The following MBD5 variants were observed in gnomAD, a reference collection of about 807,000 sequenced individuals.
The protein encoded by MBD5 is methyl-CpG-binding domain protein 5.
Under a neutral mutation model 117.3 loss-of-function variants are expected in MBD5, and 13 were observed. The observed-to-expected ratio is 0.11, with a 90% CI of 0.07 to 0.18. MBD5 has a LOEUF of 0.18. Ranked by LOEUF, MBD5 falls within the 10% of genes least tolerant of loss-of-function variation. The pLI, the probability that MBD5 is intolerant of heterozygous loss-of-function variation, is 1.00. For missense variants in MBD5, 1,879 were observed against 2,093.8 expected, an observed-to-expected ratio of 0.90 and a Z score of 2.00; for synonymous variants, 727 against 766.4, an observed-to-expected ratio of 0.95 and a Z score of 0.85.
chr2:148,187,513 T>A (rs1698694986), intron 2 of MBD5, among the ~76,000 whole-genome samples: 1 of 151,798 alleles, frequency 6.6e-6, no homozygotes, highest in Non-Finnish European at 1.5e-5. Flanking sequence ...CCAAAACATA[T>A]CATTTCTGAA....
intron 3 of MBD5, among the ~76,000 whole-genome samples, chr2:148,288,278 T>TA (rs1291346829): frequency 8.6e-6 from 1 of 116,872 alleles, no homozygotes; most frequent in Non-Finnish European, 1.9e-5. Flanking sequence ...CGGGCGCCTG[T>TA]AGTCCCAGCT....
At chr2:148,361,378 C>T (rs1458392090) in intron 4 of MBD5, among the ~76,000 whole-genome samples, 13 of 150,282 alleles carry the variant, frequency 8.7e-5, no homozygotes, top group African/African-American at 2.7e-4. Flanking sequence ...AAAAAAAAAA[C>T]GTGTTGGATT....
chr2:148,399,003 T>A (rs1237236732), intron 4 of MBD5, among the ~76,000 whole-genome samples: 2 of 152,312 alleles, frequency 1.3e-5, no homozygotes, highest in South Asian at 2.1e-4. Flanking sequence ...TTCTGTTCCA[T>A]TGGTCTATAT....
At chr2:148,328,795 C>T (rs370210598) in intron 3 of MBD5, among the ~76,000 whole-genome samples, 20 of 152,282 alleles carry the variant, frequency 1.3e-4, no homozygotes, top group East Asian at 9.7e-4. Context: ...CAGAAATCAC[C>T]CGTCTTCTGC....
At chr2:148,426,849 T>C (rs1334607742) in intron 4 of MBD5, among the ~76,000 whole-genome samples, 1 of 152,048 alleles carries the variant, frequency 6.6e-6, no homozygotes, top group Non-Finnish European at 1.5e-5. Flanking sequence ...GAAACCACCA[T>C]CAGAGTGAAC....
intron 1 of MBD5, among the ~76,000 whole-genome samples, chr2:148,076,863 T>C (rs1039084527): frequency 6.6e-6 from 1 of 152,232 alleles, no homozygotes; most frequent in Non-Finnish European, 1.5e-5. Flanking sequence ...TCTCATAGTC[T>C]AGTAGAGGCA....
chr2:148,394,552 T>C (rs1009564321), intron 4 of MBD5, among the ~76,000 whole-genome samples: 19 of 151,624 alleles, frequency 1.3e-4, no homozygotes, highest in Non-Finnish European at 2.4e-4. Flanking sequence ...TTGGTTTTTT[T>C]TTTTTTTTCA....
chr2:148,482,504 T>C (rs1202132602), intron 8 of MBD5, among the ~76,000 whole-genome samples: 1 of 152,078 alleles, frequency 6.6e-6, no homozygotes, highest in Non-Finnish European at 1.5e-5. Flanking sequence ...TATGTGTATA[T>C]ATATATGCAT....
At chr2:148,450,109 G>A (rs1453108755) in intron 4 of MBD5, among the ~76,000 whole-genome samples, 2 of 152,032 alleles carry the variant, frequency 1.3e-5, no homozygotes, top group Non-Finnish European at 2.9e-5. Context: ...TAAAATTTCT[G>A]TAATATGACT....
intron 3 of MBD5, among the ~76,000 whole-genome samples, chr2:148,238,539 A>G (rs1450596401): frequency 6.6e-6 from 1 of 152,220 alleles, no homozygotes; most frequent in Non-Finnish European, 1.5e-5. Context: ...AAAAAGAAAC[A>G]GATAATTTTG....
At chr2:148,501,253 T>G (rs952254427) in intron 11 of MBD5, among the ~76,000 whole-genome samples, 3 of 152,220 alleles carry the variant, frequency 2.0e-5, no homozygotes, top group Admixed American at 6.5e-5. Flanking sequence ...TAAAGGACAT[T>G]CATGAGTCAA....
intron 1 of MBD5, among the ~76,000 whole-genome samples, chr2:148,061,236 G>GTAAGATTATTGTAA (rs2105826371): frequency 6.6e-6 from 1 of 152,108 alleles, no homozygotes; most frequent in East Asian, 1.9e-4. Flanking sequence ...TCACTGATAG[G>GTAAGATTATTGTAA]TAAGATTATT....
chr2:148,282,154 T>C (rs1415359046), intron 3 of MBD5, among the ~76,000 whole-genome samples: 2 of 152,208 alleles, frequency 1.3e-5, no homozygotes, highest in Non-Finnish European at 2.9e-5. Flanking sequence ...CTGTTTTAAA[T>C]AGAGAAGTCT....
Position 148,468,597 on chromosome 2 carries a change from T to C in MBD5, c.654T>C (p.His218=), listed in dbSNP as rs1353208243. The C allele has an allele frequency of 2.5e-6, 4 of 1,613,884 alleles. No homozygotes were observed. The highest frequency in any genetic ancestry group is 2.5e-6 in the Non-Finnish European group (3 of 1,179,876). Reference sequence around the variant, plus strand: ...AGAAATCTCCATTCCGTGGCAGCCATGGAGGCCTGCCCAGCCCAGCGTCAT... The same window carrying C: ...AGAAATCTCCATTCCGTGGCAGCCACGGAGGCCTGCCCAGCCCAGCGTCAT... ...HGQKSPFRGS[H]GGLPSPASSG... Residue 218 remains histidine, a synonymous_variant, in exon 8 of 14, where the codon CAT becomes CAC. Coordinates refer to ENST00000642680, the MANE Select transcript of MBD5 (RefSeq NM_001378120.1).
intron 11 of MBD5, among the ~76,000 whole-genome samples, chr2:148,500,586 C>T (rs1681842171): frequency 6.6e-6 from 1 of 152,054 alleles, no homozygotes; most frequent in South Asian, 2.1e-4. Context: ...AAAAATAGTT[C>T]GACCTAACTT....
chr2:148,259,738 C>T (rs2106290787), intron 3 of MBD5, among the ~76,000 whole-genome samples: 1 of 152,302 alleles, frequency 6.6e-6, no homozygotes, highest in East Asian at 1.9e-4. Flanking sequence ...CATGAGCTCA[C>T]ATAGGTCATC....
intron 1 of MBD5, among the ~76,000 whole-genome samples, chr2:148,089,153 T>A (rs1695873513): frequency 6.6e-6 from 1 of 152,016 alleles, no homozygotes; most frequent in Non-Finnish European, 1.5e-5. Context: ...AGGAAAATAT[T>A]ATAATTGTAA....
intron 4 of MBD5, among the ~76,000 whole-genome samples, chr2:148,380,435 T>A (rs1043766826): frequency 1.7e-4 from 26 of 152,234 alleles, no homozygotes; most frequent in East Asian, 1.4e-3. Flanking sequence ...CATTCTCTGA[T>A]AAATAAAAGA....
At chr2:148,484,558 T>C (rs1187796714) in intron 9 of MBD5, among the ~76,000 whole-genome samples, 1 of 152,216 alleles carries the variant, frequency 6.6e-6, no homozygotes, top group African/African-American at 2.4e-5. Context: ...ATTGAGAAAG[T>C]GTTTTCCAGG....
Sources: gnomAD v4.1 joint callset for allele counts (sites outside exome capture counted in the v4.1 genomes callset) on GRCh38, gnomAD v4.1.1 for gene constraint, MANE v1.5 for transcripts, NCBI Gene and HGNC (gene_info 2026-07-23, HGNC 2026-07-21) for gene names.